TRPM3: variants seen among roughly 807,000 people sequenced by gnomAD.
TRPM3 encodes transient receptor potential cation channel subfamily M member 3.
Under a neutral mutation model 181.2 loss-of-function variants are expected in TRPM3, and 77 were observed. The observed-to-expected ratio is 0.42, with a 90% CI of 0.35 to 0.51. The LOEUF (loss-of-function observed/expected upper bound fraction) is 0.51, where lower values mean the gene tolerates loss of function less well. Among genes scored for constraint, TRPM3 ranks in the 20% least tolerant of loss-of-function variants. TRPM3 has a pLI of 0.01. For missense variants in TRPM3, 1,759 were observed against 2,196.7 expected, an observed-to-expected ratio of 0.80 and a Z score of 3.98; for synonymous variants, 745 against 796.4, an observed-to-expected ratio of 0.94 and a Z score of 1.09.
chr9:71,290,551 C>T (rs2085721821), intron 1 of TRPM3, among the ~76,000 whole-genome samples: 1 of 151,626 alleles, frequency 6.6e-6, no homozygotes, highest in African/African-American at 2.4e-5. Flanking sequence ...AAAGAGCTTT[C>T]TAAAGGATAT....
chr9:70,932,107 A>G (rs1208370046), intron 1 of TRPM3, among the ~76,000 whole-genome samples: 1 of 152,138 alleles, frequency 6.6e-6, no homozygotes, highest in African/African-American at 2.4e-5. Flanking sequence ...TGGCAAGAAA[A>G]CCATAACATT....
At chr9:70,807,740 A>C (rs2091016637) in intron 6 of TRPM3, among the ~76,000 whole-genome samples, 1 of 152,188 alleles carries the variant, frequency 6.6e-6, no homozygotes, top group South Asian at 2.1e-4. Context: ...TGAAGGCTCC[A>C]TTCTACCAAA....
intron 8 of TRPM3, among the ~76,000 whole-genome samples, chr9:70,756,341 G>C (rs968220081): frequency 3.9e-5 from 6 of 152,066 alleles, no homozygotes; most frequent in Non-Finnish European, 8.8e-5. Context: ...GATTCATAAA[G>C]CAAGTTCTTA....
intron 1 of TRPM3, among the ~76,000 whole-genome samples, chr9:70,946,057 C>A (rs949949829): frequency 1.3e-5 from 2 of 152,112 alleles, no homozygotes; most frequent in African/African-American, 4.8e-5. Flanking sequence ...GTGGATAGTA[C>A]AAATGATCAA....
At chr9:70,914,686 C>A (rs1231674415) in intron 1 of TRPM3, among the ~76,000 whole-genome samples, 3 of 152,178 alleles carry the variant, frequency 2.0e-5, no homozygotes, top group Non-Finnish European at 1.5e-5. Context: ...CCAGCACAGT[C>A]CTAGTGCTGG....
intron 8 of TRPM3, among the ~76,000 whole-genome samples, chr9:70,756,484 C>A (rs573458315): frequency 1.9e-3 from 295 of 152,242 alleles, no homozygotes; most frequent in Admixed American, 4.0e-3. Flanking sequence ...ACCTCTGGAC[C>A]AAGCAGACCT....
intron 1 of TRPM3, among the ~76,000 whole-genome samples, chr9:71,007,766 T>C (rs2097695330): frequency 6.6e-6 from 1 of 152,076 alleles, no homozygotes; most frequent in East Asian, 1.9e-4. Context: ...GAAAATGGAA[T>C]ACAACCGATC....
intron 22 of TRPM3, among the ~76,000 whole-genome samples, chr9:70,576,550 G>A (rs1008696923): frequency 4.1e-5 from 6 of 147,632 alleles, no homozygotes; most frequent in Non-Finnish European, 7.4e-5. Context: ...AGGCTTGCTC[G>A]GTCGCCCAGA....
intron 1 of TRPM3, among the ~76,000 whole-genome samples, chr9:71,358,944 T>G (rs2092022011): frequency 6.6e-6 from 1 of 152,212 alleles, no homozygotes; most frequent in African/African-American, 2.4e-5. Context: ...TCTTCTAAAA[T>G]TTTTATAAAA....
chr9:71,200,175 G>C (rs2078682345), intron 1 of TRPM3, among the ~76,000 whole-genome samples: 1 of 152,048 alleles, frequency 6.6e-6, no homozygotes, highest in Non-Finnish European at 1.5e-5. Flanking sequence ...CCATGTAGTT[G>C]AGTGGTTTTG....
intron 1 of TRPM3, among the ~76,000 whole-genome samples, chr9:71,061,725 G>A (rs1207613210): frequency 6.6e-6 from 1 of 152,082 alleles, no homozygotes; most frequent in Non-Finnish European, 1.5e-5. Flanking sequence ...AGCACATCCT[G>A]TGGGACTCAG....
intron 1 of TRPM3, among the ~76,000 whole-genome samples, chr9:71,364,851 C>T (rs948473214): frequency 6.6e-6 from 1 of 152,212 alleles, no homozygotes; most frequent in African/African-American, 2.4e-5. Flanking sequence ...CACAAGAATA[C>T]ATCCTTTTTC....
At chr9:70,931,062 G>A (rs539087303) in intron 1 of TRPM3, among the ~76,000 whole-genome samples, 12 of 151,848 alleles carry the variant, frequency 7.9e-5, no homozygotes, top group Non-Finnish European at 1.5e-4. Context: ...TTTGAAAAGT[G>A]AAAAGATTTT....
chr9:71,134,360 T>C (rs2074621454), intron 1 of TRPM3, among the ~76,000 whole-genome samples: 1 of 152,096 alleles, frequency 6.6e-6, no homozygotes, highest in African/African-American at 2.4e-5. Flanking sequence ...GTCACCATCC[T>C]GGCCAACATG....
intron 9 of TRPM3, among the ~76,000 whole-genome samples, chr9:70,657,478 T>C (rs1383758079): frequency 6.6e-6 from 1 of 152,150 alleles, no homozygotes; most frequent in African/African-American, 2.4e-5. Flanking sequence ...AATGTTTTCT[T>C]CCAATATAAT....
intron 1 of TRPM3, among the ~76,000 whole-genome samples, chr9:71,349,663 A>G (rs1461337886): frequency 6.6e-6 from 1 of 152,214 alleles, no homozygotes; most frequent in African/African-American, 2.4e-5. Flanking sequence ...ATACGATTAC[A>G]ATCAACAATC....
At chr9:71,316,379 A>T (rs569783601) in intron 1 of TRPM3, among the ~76,000 whole-genome samples, 1 of 152,180 alleles carries the variant, frequency 6.6e-6, no homozygotes, top group Non-Finnish European at 1.5e-5. Flanking sequence ...ATGACATCTC[A>T]AAGATGTCCA....
At chr9:71,040,413 C>T (rs1420489964) in intron 1 of TRPM3, among the ~76,000 whole-genome samples, 1 of 152,186 alleles carries the variant, frequency 6.6e-6, no homozygotes, top group African/African-American at 2.4e-5. Flanking sequence ...AGGACATTAA[C>T]AGTTACAGTG....
chr9:71,334,562 T>C (rs1164955894), intron 1 of TRPM3, among the ~76,000 whole-genome samples: 1 of 152,140 alleles, frequency 6.6e-6, no homozygotes, highest in Non-Finnish European at 1.5e-5. Flanking sequence ...ATTTCATCTA[T>C]CATTTCTAAG....
Sources: gnomAD v4.1 joint callset for allele counts (sites outside exome capture counted in the v4.1 genomes callset) on GRCh38, gnomAD v4.1.1 for gene constraint, MANE v1.5 for transcripts, NCBI Gene and HGNC (gene_info 2026-07-23, HGNC 2026-07-21) for gene names.